The following NR3C2 variants were observed in gnomAD, a reference collection of about 807,000 sequenced individuals.
NR3C2 encodes the protein mineralocorticoid receptor.
Under a neutral mutation model 86.4 loss-of-function variants are expected in NR3C2, and 15 were observed. The ratio of observed to expected loss-of-function variants is 0.17; its 90% CI spans 0.12 to 0.27. The LOEUF (loss-of-function observed/expected upper bound fraction) is 0.27. Ranked by LOEUF, NR3C2 falls within the 10% of genes least tolerant of loss-of-function variation. NR3C2 has a pLI of 1.00. For synonymous variants in NR3C2, 458 were observed against 450.5 expected (o/e 1.02, Z -0.21); for missense variants, 960 against 1,195.6 (o/e 0.80, Z 2.91).
chr4:148,231,084 G>A (rs766076171), intron 3 of NR3C2, among the ~76,000 whole-genome samples: 53 of 152,152 alleles, frequency 3.5e-4, no homozygotes, highest in Non-Finnish European at 6.8e-4. Context: ...TCACCCCTTG[G>A]TGAGTATTCC....
intron 8 of NR3C2, among the ~76,000 whole-genome samples, chr4:148,081,817 A>C (rs574842910): frequency 7.2e-5 from 11 of 152,200 alleles, no homozygotes; most frequent in Non-Finnish European, 1.5e-4. Context: ...ATCAAATTCT[A>C]ATTTCTAAAT....
intron 6 of NR3C2, among the ~76,000 whole-genome samples, chr4:148,128,132 T>G (rs1732837007): frequency 6.6e-6 from 1 of 152,184 alleles, no homozygotes; most frequent in South Asian, 2.1e-4. Context: ...TTAAATGACT[T>G]GGGTGCTGGC....
intron 8 of NR3C2, among the ~76,000 whole-genome samples, chr4:148,097,242 C>G (rs1400056187): frequency 6.6e-6 from 1 of 152,062 alleles, no homozygotes; most frequent in East Asian, 1.9e-4. Flanking sequence ...ATACATGTCT[C>G]ACATTTTTGG....
chr4:148,241,877 G>C (rs1739067236), intron 3 of NR3C2, among the ~76,000 whole-genome samples: 1 of 152,098 alleles, frequency 6.6e-6, no homozygotes, highest in Admixed American at 6.5e-5. Context: ...TCATATTGTA[G>C]GGAGTTATTT....
chr4:148,173,716 C>T (rs1434478605), intron 4 of NR3C2, among the ~76,000 whole-genome samples: 1 of 152,216 alleles, frequency 6.6e-6, no homozygotes, highest in Non-Finnish European at 1.5e-5. Flanking sequence ...CACAGGAATC[C>T]AGGGGGCTTC....
intron 8 of NR3C2, among the ~76,000 whole-genome samples, chr4:148,106,883 G>T (rs772232161): frequency 6.6e-6 from 1 of 152,098 alleles, no homozygotes; most frequent in Non-Finnish European, 1.5e-5. Context: ...AGACTTAAAC[G>T]TAAAACCTAA....
chr4:148,246,936 C>T lies in NR3C2; in HGVS notation c.1897+13042G>A, dbSNP rs949042698. ...TAGTAACGATATTTTATAAGTATTT[C>T]TTAATCCAGTCTCCTATAAAAACAG... On this transcript the variant is annotated intron_variant, in intron 3 of 8. Coordinates refer to ENST00000358102, the MANE Select transcript of NR3C2 (RefSeq NM_000901.5). Among the ~76,000 whole-genome samples, 4 of 152,314 alleles carry T rather than the reference C, an allele frequency of 2.6e-5. No homozygotes were observed. In the South Asian group the frequency reaches 8.3e-4, roughly 32 times the overall value.
intron 2 of NR3C2, among the ~76,000 whole-genome samples, chr4:148,362,118 C>G (rs1361777816): frequency 1.3e-5 from 2 of 152,180 alleles, no homozygotes; most frequent in African/African-American, 4.8e-5. Flanking sequence ...GGATTATGGG[C>G]GTGAGCCACC....
At chr4:148,158,412 C>T (rs1160011946) in intron 4 of NR3C2, among the ~76,000 whole-genome samples, 2 of 152,196 alleles carry the variant, frequency 1.3e-5, no homozygotes, top group African/African-American at 2.4e-5. Context: ...ATGGGCATGA[C>T]AATGTCTCCC....
At chr4:148,241,162 T>G (rs553692879) in intron 3 of NR3C2, among the ~76,000 whole-genome samples, 3 of 151,116 alleles carry the variant, frequency 2.0e-5, no homozygotes, top group African/African-American at 7.3e-5. Flanking sequence ...AAAAATTAGC[T>G]AGGCATGGTG....
intron 2 of NR3C2, among the ~76,000 whole-genome samples, chr4:148,387,617 G>A (rs763623179): frequency 2.6e-5 from 4 of 152,136 alleles, no homozygotes; most frequent in South Asian, 2.1e-4. Flanking sequence ...TGACAAAATC[G>A]CTGAAAGGGA....
chr4:148,242,357 A>G (rs755081854), intron 3 of NR3C2, among the ~76,000 whole-genome samples: 2 of 152,340 alleles, frequency 1.3e-5, no homozygotes, highest in East Asian at 3.9e-4. Flanking sequence ...ATCTTTGGAA[A>G]GCAATCTGGC....
At chr4:148,112,585 A>C (rs1205883489) in intron 8 of NR3C2, among the ~76,000 whole-genome samples, 2 of 152,320 alleles carry the variant, frequency 1.3e-5, no homozygotes, top group East Asian at 3.9e-4. Flanking sequence ...TCTTATTTCT[A>C]AGATTTTCCA....
chr4:148,233,225 A>G (rs902353895), intron 3 of NR3C2, among the ~76,000 whole-genome samples: 1 of 152,196 alleles, frequency 6.6e-6, no homozygotes, highest in Non-Finnish European at 1.5e-5. Flanking sequence ...CAAGAGGCCT[A>G]TCTTTCAGCC....
chr4:148,270,651 T>G lies in NR3C2; in HGVS notation c.1758-10534A>C, dbSNP rs147725726. Among the ~76,000 whole-genome samples the G allele has an allele frequency of 7.6e-3, 1,160 of 152,140 alleles. 17 individuals are homozygous for G. The highest frequency in any genetic ancestry group is 0.027 in the African/African-American group (1,106 of 41,498). The stretch of plus-strand genomic sequence containing the variant: ...GTGTTCAAATAAATCATCAGTGAAG[T>G]CTTTTGGTATTTTTTCATTAAGAAT... On this transcript the variant is annotated intron_variant, in intron 2 of 8. Coordinates refer to ENST00000358102, the MANE Select transcript of NR3C2 (RefSeq NM_000901.5).
chr4:148,391,226 A>G (rs764117340), intron 2 of NR3C2, among the ~76,000 whole-genome samples: 3 of 152,230 alleles, frequency 2.0e-5, no homozygotes, highest in Non-Finnish European at 4.4e-5. Flanking sequence ...GTTTCACAGA[A>G]CCATGACATG....
intron 7 of NR3C2, 94 bp downstream of exon 7, chr4:148,120,064 G>A: frequency 6.5e-7 from 1 of 1,536,976 alleles, no homozygotes; most frequent in East Asian, 2.3e-5. Context: ...TTTTGTTTTG[G>A]TACCAACTAC....
intron 2 of NR3C2, among the ~76,000 whole-genome samples, chr4:148,366,064 T>G (rs1003710922): frequency 6.6e-6 from 1 of 152,292 alleles, no homozygotes; most frequent in Admixed American, 6.5e-5. Flanking sequence ...TTTCCTAACT[T>G]CTGCCAATCT....
chr4:148,157,489 T>A (rs1376603169), intron 4 of NR3C2, among the ~76,000 whole-genome samples: 1 of 152,138 alleles, frequency 6.6e-6, no homozygotes, highest in East Asian at 1.9e-4. Flanking sequence ...ACATCTTGTG[T>A]ATCTGAAATA....
Sources: allele counts gnomAD v4.1 joint callset (sites outside exome capture counted in the v4.1 genomes callset), GRCh38; gene constraint gnomAD v4.1.1; transcripts MANE v1.5; gene names NCBI Gene and HGNC (gene_info 2026-07-23, HGNC 2026-07-21).